Variants in ZC3H3 observed in about 807,000 individuals in gnomAD.
ZC3H3 encodes zinc finger CCCH-type containing 3.
Under a neutral mutation model 77.3 loss-of-function variants are expected in ZC3H3, and 36 were observed. The observed-to-expected ratio is 0.47, with a 90% CI of 0.36 to 0.61. The LOEUF (loss-of-function observed/expected upper bound fraction) is 0.61, where lower values mean the gene tolerates loss of function less well. Ranked by LOEUF, ZC3H3 falls within the 20% of genes least tolerant of loss-of-function variation. ZC3H3 has a pLI of 0.00. For synonymous variants in ZC3H3, 626 were observed against 555.2 expected (o/e 1.13, Z -1.79); for missense variants, 1,331 against 1,312.2 (o/e 1.01, Z -0.22).
At chr8:143,492,441 A>C (rs410822) in intron 4 of ZC3H3, among the ~76,000 whole-genome samples, 108,374 of 152,078 alleles carry the variant, frequency 0.71, 38,787 homozygotes, top group South Asian at 0.81. Flanking sequence ...CTGGCCCTGA[A>C]CCTCTGCAGC....
intron 9 of ZC3H3, among the ~76,000 whole-genome samples, chr8:143,446,255 G>A (rs1479293172): frequency 1.3e-5 from 2 of 152,194 alleles, no homozygotes; most frequent in African/African-American, 2.4e-5. Context: ...ATCTGGTGTA[G>A]AGAAGAATTT....
chr8:143,439,963 C>T, intron 11 of ZC3H3, 78 bp downstream of exon 11: 4 of 1,288,858 alleles, frequency 3.1e-6, no homozygotes, highest in Non-Finnish European at 4.1e-6. Flanking sequence ...GCCCTGGGGG[C>T]CTGAGCCAGG....
intron 4 of ZC3H3, among the ~76,000 whole-genome samples, chr8:143,491,939 C>A (rs1346717221): frequency 1.3e-5 from 2 of 152,194 alleles, no homozygotes; most frequent in African/African-American, 4.8e-5. Flanking sequence ...CACCGTGTTT[C>A]TAGCAGCCCA....
At chr8:143,522,606 TA>T (rs35429086) in intron 3 of ZC3H3, among the ~76,000 whole-genome samples, 3 of 140,976 alleles carry the variant, frequency 2.1e-5, no homozygotes, top group African/African-American at 7.9e-5. Context: ...CTCTCTGTCT[TA>T]AAAAAAAACA....
chr8:143,502,304 C>T (rs758288418), intron 4 of ZC3H3, among the ~76,000 whole-genome samples: 10 of 152,260 alleles, frequency 6.6e-5, no homozygotes, highest in African/African-American at 1.4e-4. Context: ...GGGTGGCTGG[C>T]GTCCCAGGAG....
intron 4 of ZC3H3, among the ~76,000 whole-genome samples, chr8:143,476,291 G>C (rs1049336110): frequency 1.3e-5 from 2 of 152,220 alleles, no homozygotes; most frequent in African/African-American, 4.8e-5. Flanking sequence ...GGGCCAGGCT[G>C]TTTGAGGGAA....
chr8:143,462,987 CT>C lies in ZC3H3; in HGVS notation c.2307+2729del, dbSNP rs35560132. 3.2e-3 allele frequency among the ~76,000 whole-genome samples: 465 copies of C among 143,528 alleles called. No individual in the cohort carries two copies. Among genetic ancestry groups the C allele is most frequent in the African/African-American group, 8.6e-3 (336 of 39,014 alleles). 94.2% of individuals were successfully genotyped at this position (143,528 alleles called of 152,430 possible). On this transcript the variant is annotated intron_variant, in intron 9 of 11. Transcript: ENST00000262577. The surrounding 1 kb of genome is among the most constrained non-coding windows in gnomAD (Gnocchi z 4.7). ...GGAGCAGCGCCCAGACCCTGAGTCT[CT>C]TTTTTTTTTTTTGAGACAGAGTCTC...
chr8:143,483,278 G>A (rs1200823217), intron 4 of ZC3H3, among the ~76,000 whole-genome samples: 3 of 152,216 alleles, frequency 2.0e-5, no homozygotes, highest in Non-Finnish European at 2.9e-5. Flanking sequence ...TCGGGAGGGC[G>A]AGCATGCATG....
intron 11 of ZC3H3, among the ~76,000 whole-genome samples, chr8:143,439,693 T>TGCCCCAGGGCTGGCAGGTGC (rs1334471514): frequency 1.3e-5 from 2 of 152,244 alleles, no homozygotes; most frequent in African/African-American, 4.8e-5. Flanking sequence ...TGGCTGGCCC[T>TGCCCCAGGGCTGGCAGGTGC]GCCCCAGGGC....
At chr8:143,439,300 C>T (rs915681122) in intron 11 of ZC3H3, among the ~76,000 whole-genome samples, 1 of 152,114 alleles carries the variant, frequency 6.6e-6, no homozygotes, top group Non-Finnish European at 1.5e-5. Context: ...GTGTGCTCAG[C>T]GGAGCTGTTG....
At chr8:143,470,070 G>A (rs528804483) in intron 5 of ZC3H3, among the ~76,000 whole-genome samples, 43 of 152,304 alleles carry the variant, frequency 2.8e-4, no homozygotes, top group Admixed American at 1.0e-3. Context: ...CCCAGCAGCC[G>A]CAGACTCCCA....
chr8:143,458,848 C>T (rs113025548), intron 9 of ZC3H3, among the ~76,000 whole-genome samples: 4,311 of 147,918 alleles, frequency 0.029, 57 homozygotes, highest in Non-Finnish European at 0.043. Flanking sequence ...CAGCTGGGCG[C>T]AGTGGCTCAT....
chr8:143,467,351 C>A (rs1471747531), intron 8 of ZC3H3, among the ~76,000 whole-genome samples: 1 of 152,210 alleles, frequency 6.6e-6, no homozygotes, highest in Non-Finnish European at 1.5e-5. Context: ...ATTCAGGGCA[C>A]TGGTGCGGGG....
At chr8:143,535,282 TC>T (rs1485813257) in intron 3 of ZC3H3, among the ~76,000 whole-genome samples, 1 of 152,072 alleles carries the variant, frequency 6.6e-6, no homozygotes, top group Non-Finnish European at 1.5e-5. Context: ...CAAGTGATCT[TC>T]CCACCTTGGC....
At chr8:143,522,179 C>A (rs537484451) in intron 3 of ZC3H3, among the ~76,000 whole-genome samples, 2 of 152,226 alleles carry the variant, frequency 1.3e-5, no homozygotes, top group Non-Finnish European at 2.9e-5. Flanking sequence ...CAGAGCCTGG[C>A]TCACTGCAAA....
intron 9 of ZC3H3, among the ~76,000 whole-genome samples, chr8:143,461,109 ATT>A (rs1820250704): frequency 6.6e-6 from 1 of 152,222 alleles, no homozygotes; most frequent in Non-Finnish European, 1.5e-5. Context: ...TGTTATATAT[ATT>A]TTACCACAAT....
intron 3 of ZC3H3, among the ~76,000 whole-genome samples, chr8:143,524,763 G>A (rs1284206644): frequency 6.6e-6 from 1 of 152,262 alleles, no homozygotes; most frequent in African/African-American, 2.4e-5. Flanking sequence ...GGGGGAACAA[G>A]AGGAATAGGG....
Position 143,460,504 on chromosome 8 carries a change from C to T in ZC3H3, c.2307+5213G>A, listed in dbSNP as rs1420985987. ...TTCAGCCACAACAGAAAACACTTGC[C>T]GATTCCTCAGAAAGCTAAACACAGA... On this transcript the variant is annotated intron_variant, in intron 9 of 11. Coordinates refer to ENST00000262577, the MANE Select transcript of ZC3H3 (RefSeq NM_015117.3). The surrounding 1 kb of genome is among the most constrained non-coding windows in gnomAD (Gnocchi z 4.0). Among the ~76,000 whole-genome samples, 12 of 152,082 alleles carry T rather than the reference C, an allele frequency of 7.9e-5. No homozygotes were observed. The highest frequency in any genetic ancestry group is 7.2e-4 in the Admixed American group (11 of 15,276).
At chr8:143,474,877 GAC>G (rs1380043040) in intron 5 of ZC3H3, among the ~76,000 whole-genome samples, 1 of 152,258 alleles carries the variant, frequency 6.6e-6, no homozygotes, top group Non-Finnish European at 1.5e-5. Flanking sequence ...GCTGCCTCCA[GAC>G]ACAGTTGTCG....
Sources: allele counts gnomAD v4.1 joint callset (sites outside exome capture counted in the v4.1 genomes callset), GRCh38; gene constraint gnomAD v4.1.1; non-coding constraint Gnocchi (gnomAD v3.1); transcripts MANE v1.5; gene names NCBI Gene and HGNC (gene_info 2026-07-23, HGNC 2026-07-21).